The following RAD23B variants were observed in gnomAD, a reference collection of about 807,000 sequenced individuals.
RAD23B encodes the protein RAD23 nucleotide excision repair protein B.
RAD23B carries 5 observed loss-of-function variants against 49.1 expected under a neutral mutation model. That is an observed-to-expected ratio of 0.10 (90% CI 0.05 to 0.21). The LOEUF is 0.21. Among genes scored for constraint, RAD23B ranks in the 10% least tolerant of loss-of-function variants. The pLI is 1.00. For synonymous variants in RAD23B, 184 were observed against 165.4 expected (o/e 1.11, Z -0.86); for missense variants, 356 against 486.7 (o/e 0.73, Z 2.53).
intron 4 of RAD23B, among the ~76,000 whole-genome samples, chr9:107,310,524 C>A (rs1025871333): frequency 2.6e-5 from 4 of 152,104 alleles, no homozygotes; most frequent in African/African-American, 9.7e-5. Context: ...GTTAAAAAAA[C>A]ACCAAAGCAA....
intron 1 of RAD23B, chr9:107,284,999 C>T (rs1833247120): frequency 2.4e-6 from 3 of 1,260,814 alleles, no homozygotes; most frequent in East Asian, 5.6e-5. Flanking sequence ...TTACGTTTTA[C>T]TTATCTCATT....
chr9:107,311,224 A>T (rs1217234227), intron 4 of RAD23B, among the ~76,000 whole-genome samples: 2 of 152,154 alleles, frequency 1.3e-5, no homozygotes, highest in Non-Finnish European at 2.9e-5. Flanking sequence ...GTCCTCATTC[A>T]GAACTTACCT....
At chr9:107,306,332 A>G in intron 3 of RAD23B, 47 bp from the exon 4 acceptor site, 10 of 1,552,856 alleles carry the variant, frequency 6.4e-6, no homozygotes, top group Non-Finnish European at 8.8e-6. Context: ...GAGATCAGGC[A>G]GTATGTAGTA....
chr9:107,287,348 A>G (rs1174910946), intron 1 of RAD23B, among the ~76,000 whole-genome samples: 1 of 152,240 alleles, frequency 6.6e-6, no homozygotes, highest in Admixed American at 6.5e-5. Context: ...GCCTTGAACA[A>G]CTAAAAACAA....
chr9:107,316,090 A>G (rs1364542504), intron 5 of RAD23B, among the ~76,000 whole-genome samples: 1 of 151,864 alleles, frequency 6.6e-6, no homozygotes, highest in Admixed American at 6.6e-5. Context: ...GCTCACTGCA[A>G]TCTCCGCCTC....
intron 3 of RAD23B, among the ~76,000 whole-genome samples, chr9:107,302,952 A>G (rs976774895): frequency 2.0e-5 from 3 of 152,154 alleles, no homozygotes; most frequent in African/African-American, 4.8e-5. Context: ...CACCGCGCCC[A>G]GCCTGGAAGT....
chr9:107,292,887 C>A (rs1250906987), intron 1 of RAD23B, among the ~76,000 whole-genome samples: 1 of 152,102 alleles, frequency 6.6e-6, no homozygotes, highest in African/African-American at 2.4e-5. Context: ...ACTAGTTAAC[C>A]TATTACTGCA....
chr9:107,331,614 C>G lies in RAD23B; in HGVS notation c.*1958C>G, dbSNP rs1268445531. On this transcript the variant is annotated 3_prime_UTR_variant, in exon 10 of 10. Coordinates refer to ENST00000358015, the MANE Select transcript of RAD23B (RefSeq NM_002874.5). Reference sequence around the variant, plus strand: ...TGAGTTGGGAAAAGAGGTGGCATTTCTGATCGGATAATGGAATACTCTCAT... The same window carrying G: ...TGAGTTGGGAAAAGAGGTGGCATTTGTGATCGGATAATGGAATACTCTCAT... The G allele has an allele frequency of 6.7e-6, 5 of 749,192 alleles. No individual in the cohort carries two copies. In the East Asian group the frequency reaches 1.2e-4, roughly 18 times the overall value. The allele number at this position is 749,192 out of a possible 1,614,324, so 46.4% of individuals were successfully genotyped here.
chr9:107,320,471 G>A (rs963224455), intron 6 of RAD23B, among the ~76,000 whole-genome samples: 1 of 152,218 alleles, frequency 6.6e-6, no homozygotes, highest in Admixed American at 6.5e-5. Flanking sequence ...TAAAACTGCT[G>A]TAGAGCATCA....
At chr9:107,313,159 A>G (rs1212358061) in intron 5 of RAD23B, among the ~76,000 whole-genome samples, 1 of 151,518 alleles carries the variant, frequency 6.6e-6, no homozygotes, top group Non-Finnish European at 1.5e-5. Context: ...TCCATACCTC[A>G]GGCTCTTCCT....
At chr9:107,305,460 G>A (rs1046808510) in intron 3 of RAD23B, among the ~76,000 whole-genome samples, 18 of 152,208 alleles carry the variant, frequency 1.2e-4, no homozygotes, top group African/African-American at 4.1e-4. Flanking sequence ...GATGGAGGAG[G>A]TAGAAGGAGA....
chr9:107,287,442 A>G (rs868548715), intron 1 of RAD23B, among the ~76,000 whole-genome samples: 6 of 152,364 alleles, frequency 3.9e-5, no homozygotes, highest in Middle Eastern at 3.4e-3. Context: ...AAAATTCTAC[A>G]TATACATTGG....
At chr9:107,300,083 C>G (rs1032031792) in intron 1 of RAD23B, 58 bp from the exon 2 acceptor site, 1 of 1,565,882 alleles carries the variant, frequency 6.4e-7, no homozygotes, top group African/African-American at 1.4e-5. Flanking sequence ...TATTCAGATT[C>G]TGGATTGTCA....
intron 4 of RAD23B, among the ~76,000 whole-genome samples, chr9:107,309,112 A>G (rs1179345493): frequency 6.6e-6 from 1 of 152,228 alleles, no homozygotes; most frequent in East Asian, 1.9e-4. Context: ...CGTAGTAGAG[A>G]ACAGGACTAC....
At chr9:107,326,562 T>C (rs1019894788) in intron 9 of RAD23B, among the ~76,000 whole-genome samples, 19 of 151,424 alleles carry the variant, frequency 1.3e-4, no homozygotes, top group Admixed American at 1.3e-4. Flanking sequence ...TGGGCTTTTT[T>C]TGGGGGGAAG....
chr9:107,298,285 T>C (rs930284903), intron 1 of RAD23B, among the ~76,000 whole-genome samples: 2 of 152,080 alleles, frequency 1.3e-5, no homozygotes, highest in Admixed American at 1.3e-4. Context: ...GGCTCCAAAA[T>C]AACTTTTGTC....
At chr9:107,294,257 A>C (rs1186853758) in intron 1 of RAD23B, among the ~76,000 whole-genome samples, 1 of 152,166 alleles carries the variant, frequency 6.6e-6, no homozygotes, top group Non-Finnish European at 1.5e-5. Flanking sequence ...ATTTTTTAAG[A>C]GAGAATTAAG....
intron 9 of RAD23B, among the ~76,000 whole-genome samples, chr9:107,328,556 G>A (rs931275722): frequency 7.2e-5 from 11 of 151,798 alleles, no homozygotes; most frequent in Admixed American, 3.9e-4. Context: ...ATCTAATGCC[G>A]CCACTGATAC....
At chr9:107,325,896 G>C (rs975929701) in intron 9 of RAD23B, among the ~76,000 whole-genome samples, 2 of 152,154 alleles carry the variant, frequency 1.3e-5, no homozygotes, top group African/African-American at 4.8e-5. Context: ...CCCTTTATCA[G>C]ATTGAAGAAA....
Sources: gnomAD v4.1 joint callset for allele counts (sites outside exome capture counted in the v4.1 genomes callset) on GRCh38, gnomAD v4.1.1 for gene constraint, MANE v1.5 for transcripts, NCBI Gene and HGNC (gene_info 2026-07-23, HGNC 2026-07-21) for gene names.